Variants in PKHD1 observed in about 807,000 individuals in gnomAD.
PKHD1 encodes fibrocystin.
Under a neutral mutation model 412.0 loss-of-function variants are expected in PKHD1, and 291 were observed. The ratio of observed to expected loss-of-function variants is 0.71; its 90% CI spans 0.64 to 0.78. The LOEUF is 0.78. Ranked by LOEUF, PKHD1 falls within the 30% of genes least tolerant of loss-of-function variation. The probability of loss-of-function intolerance (pLI) is 0.00; values close to 1 mark genes in which losing one functional copy is unlikely to be tolerated. For missense variants in PKHD1, 4,825 were observed against 4,950.7 expected (o/e 0.97, Z 0.76); for synonymous variants, 1,777 against 1,821.5 (o/e 0.98, Z 0.62).
intron 55 of PKHD1, among the ~76,000 whole-genome samples, chr6:51,764,087 C>A (rs1788520320): frequency 6.8e-6 from 1 of 147,032 alleles, no homozygotes; most frequent in South Asian, 2.3e-4. Flanking sequence ...TCTCCCAATG[C>A]TATCCCTCCC....
At chr6:51,739,362 C>G (rs925911515) in intron 60 of PKHD1, among the ~76,000 whole-genome samples, 8 of 152,044 alleles carry the variant, frequency 5.3e-5, no homozygotes, top group Non-Finnish European at 1.0e-4. Flanking sequence ...TCCTGAGTAG[C>G]TGGGATCACA....
At position 52,018,294 on chromosome 6, in the gene PKHD1, A is replaced by T. The variant is rs77236135; in HGVS notation, c.5381-665T>A. On this transcript the variant is annotated intron_variant, in intron 33 of 66. Coordinates refer to ENST00000371117, the MANE Select transcript of PKHD1 (RefSeq NM_138694.4). The stretch of plus-strand genomic sequence containing the variant: ...TATCAAGAAAATTTCTTATTCAAAG[A>T]GTAGGTACAAGTTCAGCTTTACAAG... 9.2e-5 allele frequency among the ~76,000 whole-genome samples: 14 copies of T among 152,314 alleles called. No homozygotes were observed. The East Asian group carries it at 2.5e-3, about 27-fold the overall frequency.
intron 53 of PKHD1, among the ~76,000 whole-genome samples, chr6:51,780,062 A>G (rs1791719539): frequency 6.6e-6 from 1 of 152,166 alleles, no homozygotes; most frequent in Non-Finnish European, 1.5e-5. Context: ...TATATTAAAG[A>G]TCTTTCCAAT....
chr6:51,649,026 G>C, intron 62 of PKHD1, 59 bp downstream of exon 62: 1 of 1,523,220 alleles, frequency 6.6e-7, no homozygotes, highest in Non-Finnish European at 9.1e-7. Context: ...CTAAAAGATA[G>C]GCTGAATGCT....
intron 64 of PKHD1, among the ~76,000 whole-genome samples, chr6:51,634,047 A>T (rs758088542): frequency 1.3e-5 from 2 of 151,984 alleles, no homozygotes; most frequent in Non-Finnish European, 2.9e-5. Context: ...ATATCTCAAT[A>T]CAAACAGGTT....
At chr6:52,000,943 A>G (rs1368711448) in intron 35 of PKHD1, among the ~76,000 whole-genome samples, 1 of 152,202 alleles carries the variant, frequency 6.6e-6, no homozygotes, top group Non-Finnish European at 1.5e-5. Context: ...AGCTGCATTC[A>G]GGCTAATTTC....
intron 61 of PKHD1, among the ~76,000 whole-genome samples, chr6:51,658,427 T>A (rs1313770840): frequency 2.0e-5 from 3 of 152,136 alleles, no homozygotes; most frequent in Non-Finnish European, 4.4e-5. Flanking sequence ...TGTGAGGACG[T>A]GGTTTTCTTT....
chr6:52,056,333 T>A (rs62406035), intron 18 of PKHD1, among the ~76,000 whole-genome samples: 2 of 152,196 alleles, frequency 1.3e-5, no homozygotes. Context: ...TTAAGACTAC[T>A]TTCTTAAGTA....
At chr6:52,035,366 G>C (rs988449964) in intron 28 of PKHD1, among the ~76,000 whole-genome samples, 5 of 152,254 alleles carry the variant, frequency 3.3e-5, no homozygotes, top group South Asian at 2.1e-4. Flanking sequence ...AGAACTGCCT[G>C]GTTGTCTTCT....
chr6:51,795,760 C>A (rs1348953410), intron 52 of PKHD1, among the ~76,000 whole-genome samples: 1 of 152,138 alleles, frequency 6.6e-6, no homozygotes, highest in African/African-American at 2.4e-5. Flanking sequence ...AAGGGCTTTT[C>A]TGCATCTGTT....
intron 37 of PKHD1, among the ~76,000 whole-genome samples, chr6:51,927,375 C>A (rs1434409038): frequency 6.6e-6 from 1 of 152,108 alleles, no homozygotes; most frequent in Non-Finnish European, 1.5e-5. Flanking sequence ...AGGGAGAAAA[C>A]ATCTCCTTGG....
intron 35 of PKHD1, among the ~76,000 whole-genome samples, chr6:51,969,084 C>T (rs1583618217): frequency 6.6e-6 from 1 of 152,170 alleles, no homozygotes; most frequent in East Asian, 1.9e-4. Flanking sequence ...GGGAGATGGC[C>T]TCTACCTAAT....
In PKHD1 at chr6:51,619,433, T is replaced by G; in HGVS notation, c.11873A>C (p.His3958Pro). 1 of 1,613,858 alleles carries G rather than the reference T, an allele frequency of 6.2e-7. No homozygotes were observed. The highest frequency in any genetic ancestry group is 2.2e-5 in the East Asian group (1 of 44,874). ...AGCAGCCTCTTCCTCTCGGACAATG[T>G]GGCGGCTAACTTTCCTTCTGGACAC... The part of the protein sequence containing the change: ...NGVSRRKVSR[H>P]IVREEEAAVP... Residue 3958 changes from histidine (H) to proline (P), a missense_variant, in exon 67 of 67, where the codon CAC (histidine) becomes CCC (proline). Coordinates refer to ENST00000371117, the MANE Select transcript of PKHD1 (RefSeq NM_138694.4).
chr6:51,784,073 G>A (rs1792474430), intron 53 of PKHD1, among the ~76,000 whole-genome samples: 1 of 152,236 alleles, frequency 6.6e-6, no homozygotes. Flanking sequence ...AGGTACTAGG[G>A]TTATAAAATG....
At chr6:51,921,322 G>A (rs1376306750) in intron 37 of PKHD1, among the ~76,000 whole-genome samples, 1 of 152,154 alleles carries the variant, frequency 6.6e-6, no homozygotes. Context: ...GCTTCCCTTT[G>A]TGGGTAACCA....
intron 43 of PKHD1, among the ~76,000 whole-genome samples, chr6:51,899,519 AAAT>A (rs1780835760): frequency 1.3e-5 from 2 of 151,732 alleles, no homozygotes; most frequent in African/African-American, 4.8e-5. Context: ...ATGTATTTCA[AAAT>A]AATAAGAGCT....
At chr6:52,029,758 T>C (rs2128156758) in intron 29 of PKHD1, among the ~76,000 whole-genome samples, 1 of 152,288 alleles carries the variant, frequency 6.6e-6, no homozygotes, top group South Asian at 2.1e-4. Context: ...TAGGGTTCTG[T>C]TTTGGGGATA....
chr6:51,933,771 G>A lies in PKHD1; in HGVS notation c.6121+339C>T, dbSNP rs188234855. Among the ~76,000 whole-genome samples the A allele has an allele frequency of 3.9e-4, 60 of 152,308 alleles. No individual in the cohort carries two copies. The East Asian group carries it at 9.1e-3, about 23-fold the overall frequency. ...CTTGGCCATGCAGTCCCCCAGTTCT[G>A]CTCACATTCCACTGACCAAAGCGAG... On this transcript the variant is annotated intron_variant, in intron 37 of 66. Coordinates refer to ENST00000371117, the MANE Select transcript of PKHD1 (RefSeq NM_138694.4).
In PKHD1 at chr6:51,855,905, G is replaced by C; in HGVS notation, c.7899C>G (p.Asn2633Lys). Residue 2633 changes from asparagine to lysine, a missense_variant, in exon 49 of 67, where the codon AAC becomes AAG. Transcript: ENST00000371117. ...TTCCTTGGGTTACCTGCAGAGATCT[G>C]TTGATCCAAAGGTTCTCAGATTGCA... The part of the protein sequence containing the change: ...YSLQSENLWI[N>K]RSLQYSATFD... The C allele has an allele frequency of 1.2e-6, 2 of 1,613,354 alleles. No individual in the cohort carries two copies. Among genetic ancestry groups the C allele is most frequent in the Non-Finnish European group, 1.7e-6 (2 of 1,179,252 alleles).
Sources: allele counts gnomAD v4.1 joint callset (sites outside exome capture counted in the v4.1 genomes callset), GRCh38; gene constraint gnomAD v4.1.1; transcripts MANE v1.5; gene names NCBI Gene and HGNC (gene_info 2026-07-23, HGNC 2026-07-21).